Variants in RMDN3 observed in about 807,000 individuals in gnomAD.
The protein encoded by RMDN3 is regulator of microtubule dynamics protein 3.
Under a neutral mutation model 61.8 loss-of-function variants are expected in RMDN3, and 41 were observed. The ratio of observed to expected loss-of-function variants is 0.66; its 90% CI spans 0.52 to 0.86. The LOEUF is 0.86. Ranked by LOEUF, RMDN3 falls within the 40% of genes least tolerant of loss-of-function variation. RMDN3 has a pLI of 0.00. For synonymous variants in RMDN3, 247 were observed against 232.0 expected, an observed-to-expected ratio of 1.06 and a Z score of -0.59; for missense variants, 557 against 585.3, an observed-to-expected ratio of 0.95 and a Z score of 0.50.
chr15:40,743,247 C>T (rs1344721971), intron 6 of RMDN3, among the ~76,000 whole-genome samples: 1 of 151,902 alleles, frequency 6.6e-6, no homozygotes, highest in Admixed American at 6.6e-5. Flanking sequence ...ATGGCGAAAC[C>T]CCATCTCTGC....
At position 40,738,570 on chromosome 15, in the gene RMDN3, C is replaced by T. The variant is rs773718932; in HGVS notation, c.978G>A (p.Ala326=). The T allele has an allele frequency of 3.3e-5, 54 of 1,613,968 alleles. No individual in the cohort carries two copies. The highest frequency in any genetic ancestry group is 8.9e-5 in the East Asian group (4 of 44,896). The change falls in exon 8 of 13, where the codon GCG becomes GCA. Residue 326 remains alanine, a synonymous_variant. Transcript: ENST00000338376. ...GCTCAGCCAGCTGACCACAAAGCAC[C>T]GCATACCTAGGGGGGAAGCAGCAAG... The part of the protein sequence containing the change: ...DESADCHLWY[A]VLCGQLAEHE...
intron 3 of RMDN3, 49 bp downstream of exon 3, chr15:40,751,937 A>T: frequency 1.9e-6 from 3 of 1,575,290 alleles, no homozygotes; most frequent in Non-Finnish European, 2.6e-6. Flanking sequence ...ACCCCAGCTG[A>T]AAAGCTGCAG....
chr15:40,740,322 T>C, intron 6 of RMDN3, 129 bp from the exon 7 acceptor site: 4 of 714,688 alleles, frequency 5.6e-6, no homozygotes, highest in South Asian at 4.6e-5. Flanking sequence ...TGGAAATAGT[T>C]GTGAACTTGA....
At chr15:40,740,015 A>C in intron 7 of RMDN3, 118 bp downstream of exon 7, 1 of 714,550 alleles carries the variant, frequency 1.4e-6, no homozygotes, top group Admixed American at 2.0e-5. Context: ...TACAAGCCAG[A>C]ACTCCCTCTC....
intron 5 of RMDN3, among the ~76,000 whole-genome samples, chr15:40,744,514 TTATACCTGGGTGGGCATA>T (rs1387793460): frequency 2.0e-5 from 3 of 150,916 alleles, no homozygotes; most frequent in Non-Finnish European, 4.4e-5. Flanking sequence ...GGGGGGGCAT[TTATACCTGGGTGGGCATA>T]TATTCTGTCA....
rs1028895848 is a variant in RMDN3 at position 40,745,186 on chromosome 15, C to T, written c.598G>A (p.Val200Met). Residue 200 changes from valine to methionine, a missense_variant, in exon 5 of 13, where the codon GTG (valine) becomes ATG (methionine). Val to Met is a conservative substitution (Grantham distance 21). Coordinates refer to ENST00000338376, the MANE Select transcript of RMDN3 (RefSeq NM_018145.3). ...DKESEDGEDE[V>M]SCETVKMGRK... The stretch of plus-strand genomic sequence containing the variant: ...CCCATCTTCACAGTCTCACAGCTCA[C>T]TTCATCTTCCCCGTCCTCACTTTCT... 3 of 1,614,036 alleles carry T rather than the reference C, an allele frequency of 1.9e-6. No individual in the cohort carries two copies. The African/African-American group carries it at 4.0e-5, about 22-fold the overall frequency.
rs34355108 is a variant in RMDN3, at chr15:40,738,381, C to CAA, written c.1047+118_1047+119dup. 2,458 of 820,062 alleles carry CAA rather than the reference C, an allele frequency of 3.0e-3. 1 individual carries two copies. Among genetic ancestry groups the CAA allele is most frequent in the East Asian group, 7.4e-3 (225 of 30,586 alleles). 50.8% of individuals were successfully genotyped at this position (820,062 alleles called of 1,614,324 possible). A position where few individuals can be genotyped will look rare whatever the true frequency, so the allele number is the denominator to read the frequency against. Reference sequence around the variant, plus strand: ...TGGGCGATAGAGTGAGACTCTGTCTCAAAAAAAAAGAAGAAAGGCAAGTCA... The same window carrying CAA: ...TGGGCGATAGAGTGAGACTCTGTCTCAAAAAAAAAAAGAAGAAAGGCAAGTCA... On this transcript the variant is annotated intron_variant, in intron 8 of 12. Transcript: ENST00000338376.
At chr15:40,744,319 T>C in intron 5 of RMDN3, 170 bp from the exon 6 acceptor site, 1 of 612,446 alleles carries the variant, frequency 1.6e-6, no homozygotes, top group Admixed American at 2.6e-5. Flanking sequence ...CCTTCCCACG[T>C]GCAGTTAATG....
intron 6 of RMDN3, among the ~76,000 whole-genome samples, chr15:40,741,352 A>T (rs1897269959): frequency 6.6e-6 from 1 of 151,986 alleles, no homozygotes; most frequent in Non-Finnish European, 1.5e-5. Context: ...TAAAAAAAAA[A>T]ATTCTCAAAA....
intron 2 of RMDN3, among the ~76,000 whole-genome samples, chr15:40,754,064 A>G (rs982329995): frequency 4.0e-5 from 6 of 151,482 alleles, no homozygotes; most frequent in African/African-American, 1.5e-4. Flanking sequence ...TGAAAGTTAA[A>G]CAGTCTTTTT....
intron 6 of RMDN3, among the ~76,000 whole-genome samples, chr15:40,743,495 G>A (rs1897363865): frequency 2.0e-5 from 3 of 152,136 alleles, no homozygotes; most frequent in Middle Eastern, 3.5e-3. Flanking sequence ...CTGACTCAGT[G>A]TGTGGAGTTC....
Position 40,744,142 on chromosome 15 carries a change from C to T in RMDN3, c.815G>A (p.Ser272Asn), listed in dbSNP as rs1400791714. The T allele has an allele frequency of 1.9e-6, 3 of 1,613,426 alleles. No homozygotes were observed. In the East Asian group the frequency reaches 6.7e-5, roughly 36 times the overall value. Residue 272 changes from serine (S) to asparagine (N), a missense_variant, in exon 6 of 13, where the codon AGC becomes AAC. Physicochemically the swap from Ser to Asn is conservative, Grantham distance 46. Coordinates refer to ENST00000338376, the MANE Select transcript of RMDN3 (RefSeq NM_018145.3). ...LLLNNKLVYG[S>N]RQDFLWRLAR... ...CAGGCGCCAGAGAAAGTCCTGCCGG[C>T]TTCCATACTGCAGACCAGACAGAAA...
At chr15:40,747,433 G>A (rs1344283680) in intron 4 of RMDN3, among the ~76,000 whole-genome samples, 2 of 152,200 alleles carry the variant, frequency 1.3e-5, no homozygotes, top group Admixed American at 1.3e-4. Context: ...GACTTTAATT[G>A]CATCTCAGCC....
intron 4 of RMDN3, among the ~76,000 whole-genome samples, chr15:40,747,238 G>GC (rs1567066777): frequency 6.6e-6 from 1 of 152,132 alleles, no homozygotes; most frequent in Non-Finnish European, 1.5e-5. Flanking sequence ...AGCCCTGCTG[G>GC]AGCCCAGGCA....
At chr15:40,754,913 G>T in intron 1 of RMDN3, 123 bp from the exon 2 acceptor site, 2 of 791,534 alleles carry the variant, frequency 2.5e-6, no homozygotes, top group South Asian at 1.8e-5. Flanking sequence ...GTATCCCCTT[G>T]CCCAAACCCT....
At chr15:40,754,506 G>T in intron 2 of RMDN3, 91 bp downstream of exon 2, 5 of 1,324,778 alleles carry the variant, frequency 3.8e-6, no homozygotes, top group Non-Finnish European at 2.1e-6. Context: ...ACTTCTCTCC[G>T]TTACCCTGTC....
chr15:40,737,254 C>CCAGATCTATGTTGAAGTAGA, intron 11 of RMDN3, 34 bp downstream of exon 11: 1 of 1,611,928 alleles, frequency 6.2e-7, no homozygotes, highest in Non-Finnish European at 8.5e-7. Flanking sequence ...TCAGGAGTTC[C>CCAGATCTATGTTGAAGTAGA]CAGATCTATG....
At chr15:40,738,465 G>C in intron 8 of RMDN3, 36 bp downstream of exon 8, 1 of 1,606,702 alleles carries the variant, frequency 6.2e-7, no homozygotes, top group Non-Finnish European at 8.5e-7. Flanking sequence ...ATCTGGGATA[G>C]GCCAGCACAA....
chr15:40,737,580 A>G (rs765493162), intron 10 of RMDN3, 48 bp downstream of exon 10: 1 of 1,539,490 alleles, frequency 6.5e-7, no homozygotes, highest in African/African-American at 1.4e-5. Flanking sequence ...CCTTAGGAAA[A>G]AACAAGGTTA....
Sources: gnomAD v4.1 joint callset for allele counts (sites outside exome capture counted in the v4.1 genomes callset) on GRCh38, gnomAD v4.1.1 for gene constraint, MANE v1.5 for transcripts, NCBI Gene and HGNC (gene_info 2026-07-23, HGNC 2026-07-21) for gene names.